The following CUEDC1 variants were observed in gnomAD, a reference collection of about 807,000 sequenced individuals.
The protein encoded by CUEDC1 is CUE domain containing 1, also known as CUE domain-containing protein 1.
Under a neutral mutation model 43.7 loss-of-function variants are expected in CUEDC1, and 30 were observed. That is an observed-to-expected ratio of 0.69 (90% CI 0.51 to 0.93). The LOEUF (loss-of-function observed/expected upper bound fraction) is 0.93, where lower values mean the gene tolerates loss of function less well. Among genes scored for constraint, CUEDC1 ranks in the 40% least tolerant of loss-of-function variants. CUEDC1 has a pLI of 0.00. For synonymous variants in CUEDC1, 223 were observed against 223.6 expected (o/e 1.00, Z 0.02); for missense variants, 486 against 549.0 (o/e 0.89, Z 1.15).
chr17:57,927,534 G>A (rs1193872014), intron 1 of CUEDC1, among the ~76,000 whole-genome samples: 1 of 152,188 alleles, frequency 6.6e-6, no homozygotes, highest in Non-Finnish European at 1.5e-5. Flanking sequence ...GGCTCTCCAT[G>A]CCTGAAGCCA....
chr17:57,903,011 TG>T (rs1336749339), intron 1 of CUEDC1: 1 of 152,266 alleles, frequency 6.6e-6, no homozygotes, highest in Non-Finnish European at 1.5e-5. Flanking sequence ...CACCTCTGCA[TG>T]GGACAAAGAG....
intron 1 of CUEDC1, among the ~76,000 whole-genome samples, chr17:57,906,658 G>A (rs992069344): frequency 2.0e-5 from 3 of 152,154 alleles, no homozygotes; most frequent in Admixed American, 1.3e-4. Flanking sequence ...AGACAAATAA[G>A]GCACCAGATT....
intron 1 of CUEDC1, among the ~76,000 whole-genome samples, chr17:57,896,650 G>T (rs1597992212): frequency 6.6e-6 from 1 of 151,132 alleles, no homozygotes; most frequent in Non-Finnish European, 1.5e-5. Context: ...CTAAAATTTT[G>T]ATTGATACTC....
chr17:57,940,276 G>A (rs2074905541), intron 1 of CUEDC1, among the ~76,000 whole-genome samples: 1 of 151,450 alleles, frequency 6.6e-6, no homozygotes, highest in African/African-American at 2.4e-5. Context: ...AAAAATGGTG[G>A]CACAGTAAGC....
chr17:57,922,300 T>A (rs1173841723), intron 1 of CUEDC1: 1 of 152,202 alleles, frequency 6.6e-6, no homozygotes, highest in African/African-American at 2.4e-5. Context: ...CCCTGTTTCC[T>A]CTATGACCTT....
chr17:57,885,742 G>A lies in CUEDC1; in HGVS notation c.-178C>T. 1.9e-6 allele frequency: 2 copies of A among 1,065,050 alleles called. No homozygotes were observed. Among genetic ancestry groups the A allele is most frequent in the Non-Finnish European group, 2.4e-6 (2 of 827,992 alleles). 66.0% of individuals were successfully genotyped at this position (1,065,050 alleles called of 1,614,324 possible). A position where few individuals can be genotyped will look rare whatever the true frequency, so the allele number is the denominator to read the frequency against. ...CAAGAGCTCCGGGTTAGGAGAGTAC[G>A]GGCGCGGGGCCCCAGGCAGCCCTTG... On this transcript the variant is annotated 5_prime_UTR_variant, in exon 2 of 11. Transcript: ENST00000577830.
chr17:57,901,526 A>T (rs983093755), intron 1 of CUEDC1, among the ~76,000 whole-genome samples: 2 of 152,178 alleles, frequency 1.3e-5, no homozygotes, highest in African/African-American at 2.4e-5. Context: ...GCCAACCAGG[A>T]CTCTGTAAAC....
rs78702125 is a variant in CUEDC1 at position 57,892,319 on chromosome 17, G to T, written c.-315-6440C>A. 7.1e-3 allele frequency among the ~76,000 whole-genome samples: 1,079 copies of T among 152,298 alleles called. 5 individuals carry two copies. Among genetic ancestry groups the T allele is most frequent in the Non-Finnish European group, 0.012 (819 of 68,026 alleles). On this transcript the variant is annotated intron_variant, in intron 1 of 10. Coordinates refer to ENST00000577830, the MANE Select transcript of CUEDC1 (RefSeq NM_001271875.2). ...TTTCCAAGCCAGTGCCAGCACCAGG[G>T]GGCAGGAGGCTAACCCCCTCCTAGA...
chr17:57,922,741 T>C (rs965270900), intron 1 of CUEDC1, among the ~76,000 whole-genome samples: 3 of 152,188 alleles, frequency 2.0e-5, no homozygotes, highest in Non-Finnish European at 2.9e-5. Flanking sequence ...TCTTCCTACA[T>C]AGCAGGAGCT....
chr17:57,928,820 A>C (rs1357923974), intron 1 of CUEDC1, among the ~76,000 whole-genome samples: 2 of 68,068 alleles, frequency 2.9e-5, no homozygotes, highest in African/African-American at 5.6e-5. Flanking sequence ...GGGGGGCGGG[A>C]GGGAAAGGGT....
At chr17:57,926,962 G>C (rs959617382) in intron 1 of CUEDC1, among the ~76,000 whole-genome samples, 1 of 152,174 alleles carries the variant, frequency 6.6e-6, no homozygotes, top group African/African-American at 2.4e-5. Flanking sequence ...AGGAGGAAAC[G>C]TAGGGAGGTT....
chr17:57,906,149 A>C (rs1159136297), intron 1 of CUEDC1, among the ~76,000 whole-genome samples: 2 of 152,222 alleles, frequency 1.3e-5, no homozygotes, highest in Non-Finnish European at 1.5e-5. Context: ...GTAATTGTAC[A>C]TCAGTGTTCA....
chr17:57,905,233 T>TTC (rs139233458), intron 1 of CUEDC1, among the ~76,000 whole-genome samples: 3 of 99,668 alleles, frequency 3.0e-5, no homozygotes, highest in South Asian at 3.4e-4. Context: ...TGGCTACAGC[T>TTC]TCTCTCTCTC....
At chr17:57,874,655 G>A (rs186832864) in intron 3 of CUEDC1, among the ~76,000 whole-genome samples, 1 of 152,320 alleles carries the variant, frequency 6.6e-6, no homozygotes, top group Admixed American at 6.5e-5. Flanking sequence ...CAGGACACGT[G>A]TTCCGCTGAA....
intron 6 of CUEDC1, among the ~76,000 whole-genome samples, chr17:57,870,783 C>T (rs1043772139): frequency 6.6e-6 from 1 of 151,722 alleles, no homozygotes; most frequent in African/African-American, 2.4e-5. Flanking sequence ...CTCAAGTGAT[C>T]CTCCCACCTC....
At chr17:57,916,417 G>T (rs566176152) in intron 1 of CUEDC1, among the ~76,000 whole-genome samples, 5 of 152,352 alleles carry the variant, frequency 3.3e-5, no homozygotes, top group African/African-American at 1.2e-4. Context: ...GAGAGGGGAG[G>T]GGGTGGAGAG....
rs1257652170 is a variant in CUEDC1, at chr17:57,872,735, G to A, written c.712C>T (p.Leu238Phe). 3 of 1,614,180 alleles carry A rather than the reference G, an allele frequency of 1.9e-6. No homozygotes were observed. Among genetic ancestry groups the A allele is most frequent in the South Asian group, 2.2e-5 (2 of 91,082 alleles). Reference sequence around the variant, plus strand: ...ATGAACTCCTCGTTCTGCAGGAAAAGCGCGATCCTCTCGTCCTCCAGGTAC... The same window carrying A: ...ATGAACTCCTCGTTCTGCAGGAAAAACGCGATCCTCTCGTCCTCCAGGTAC... Reference protein sequence around the residue: ...KQYLEDERIALFLQNEEFMKE... With the variant: ...KQYLEDERIAFFLQNEEFMKE... Residue 238 changes from leucine to phenylalanine, a missense_variant, in exon 5 of 11, where the codon CTT becomes TTT. Leu to Phe is a conservative substitution (Grantham distance 22). Transcript: ENST00000577830.
intron 1 of CUEDC1, 40 bp from the exon 2 acceptor site, chr17:57,885,919 A>G (rs1241308167): frequency 2.6e-5 from 5 of 188,916 alleles, no homozygotes; most frequent in African/African-American, 1.2e-4. Context: ...GAGGCTAACA[A>G]AACATGAGCT....
In CUEDC1 at chr17:57,873,702, G is replaced by A. The variant is rs763451865; in HGVS notation, c.480C>T (p.Gly160=). 15 of 1,588,410 alleles carry A rather than the reference G, an allele frequency of 9.4e-6. No homozygotes were observed. Among genetic ancestry groups the A allele is most frequent in the Non-Finnish European group, 1.2e-5 (14 of 1,166,856 alleles). The change falls in exon 4 of 11, where the codon GGC becomes GGT. Residue 160 remains glycine, a synonymous_variant. Transcript: ENST00000577830. ...GTCTCTGGCTTGTAGGGGCTCCAGAGCCCAGCGCGTCGATACTAGGGGATG... is the reference window on the plus strand; with the variant it reads ...GTCTCTGGCTTGTAGGGGCTCCAGAACCCAGCGCGTCGATACTAGGGGATG... ...PTPPPRIDAL[G]SGAPTSQRRY... is the part of the protein sequence containing the mutation.
Sources: gnomAD v4.1 joint callset for allele counts (sites outside exome capture counted in the v4.1 genomes callset) on GRCh38, gnomAD v4.1.1 for gene constraint, MANE v1.5 for transcripts, NCBI Gene and HGNC (gene_info 2026-07-23, HGNC 2026-07-21) for gene names.